CEP63: variants seen among roughly 807,000 people sequenced by gnomAD.
CEP63 encodes centrosomal protein 63, also known as centrosomal protein of 63 kDa.
In CEP63, 84 loss-of-function variants were observed where a neutral mutation model predicts 89.1. The ratio of observed to expected loss-of-function variants is 0.94; its 90% CI spans 0.79 to 1.13. The LOEUF (loss-of-function observed/expected upper bound fraction) is 1.13, where lower values mean the gene tolerates loss of function less well. Among genes scored for constraint, CEP63 ranks in the 50% most tolerant of loss-of-function variants. The pLI, the probability that CEP63 is intolerant of heterozygous loss-of-function variation, is 0.00. For missense variants in CEP63, 838 were observed against 813.3 expected, an observed-to-expected ratio of 1.03 and a Z score of -0.37; for synonymous variants, 267 against 272.5, an observed-to-expected ratio of 0.98 and a Z score of 0.20.
chr3:134,598,433 G>A, the CEP63 span, among the ~76,000 whole-genome samples: 1 of 152,178 alleles, frequency 6.6e-6, no homozygotes, highest in Admixed American at 6.5e-5. Flanking sequence ...TTCCAGAGAT[G>A]GTGAGATTGT....
intron 2 of CEP63, among the ~76,000 whole-genome samples, chr3:134,504,291 T>G (rs1469567866): frequency 3.3e-5 from 5 of 152,178 alleles, no homozygotes; most frequent in Non-Finnish European, 7.4e-5. Context: ...TGATGAATTA[T>G]CTCAGTTTTT....
intron 3 of CEP63, among the ~76,000 whole-genome samples, chr3:134,529,892 T>TTA (rs1949509649): frequency 4.0e-5 from 6 of 148,770 alleles, no homozygotes; most frequent in Admixed American, 1.3e-4. Flanking sequence ...TTTTTTTTTT[T>TTA]AGACGGGGTC....
intron 3 of CEP63, among the ~76,000 whole-genome samples, chr3:134,513,528 C>A (rs1245522821): frequency 1.3e-5 from 2 of 152,034 alleles, no homozygotes; most frequent in African/African-American, 4.8e-5. Flanking sequence ...TGAACAATTA[C>A]CAGGCTGGGA....
chr3:134,526,615 T>C (rs1344808832), intron 3 of CEP63, among the ~76,000 whole-genome samples: 1 of 152,194 alleles, frequency 6.6e-6, no homozygotes, highest in Admixed American at 6.5e-5. Flanking sequence ...TCAGCCATCT[T>C]AGCCCAGTTC....
At chr3:134,645,904 G>A in the CEP63 span, among the ~76,000 whole-genome samples, 3 of 152,114 alleles carry the variant, frequency 2.0e-5, no homozygotes, top group African/African-American at 7.2e-5. Flanking sequence ...TCAGAAACCC[G>A]GAAGATGGTA....
the CEP63 span, among the ~76,000 whole-genome samples, chr3:134,665,553 G>A: frequency 2.6e-5 from 4 of 152,160 alleles, no homozygotes; most frequent in Admixed American, 6.5e-5. Context: ...GATGAAAAGG[G>A]GCCTCTGGCC....
chr3:134,759,975 A>G, the CEP63 span, among the ~76,000 whole-genome samples: 1 of 152,068 alleles, frequency 6.6e-6, no homozygotes, highest in African/African-American at 2.4e-5. Flanking sequence ...ACCCGTGTTT[A>G]GATTAGTCTG....
downstream of CEP63, among the ~76,000 whole-genome samples, chr3:134,566,895 A>G (rs925652445): frequency 3.9e-5 from 6 of 152,232 alleles, no homozygotes; most frequent in African/African-American, 1.2e-4. Context: ...TTACCATATT[A>G]CCCAGCAATA....
At chr3:134,580,316 A>AT (rs1162757273) in intron 10 of CEP63, among the ~76,000 whole-genome samples, 1 of 152,192 alleles carries the variant, frequency 6.6e-6, no homozygotes, top group African/African-American at 2.4e-5. Context: ...GTGGGTGGGT[A>AT]TGTGGAAGCT....
At chr3:134,643,421 A>G in the CEP63 span, 1 of 1,566,388 alleles carries the variant, frequency 6.4e-7, no homozygotes, top group Non-Finnish European at 8.8e-7. Context: ...CCACTGGGGA[A>G]TTTTCCCCAG....
the CEP63 span, among the ~76,000 whole-genome samples, chr3:134,750,903 TTATGGATTCACAATGGATTTCC>T: frequency 6.6e-6 from 1 of 152,252 alleles, no homozygotes; most frequent in Non-Finnish European, 1.5e-5. Flanking sequence ...TCAGTGGCAT[TTATGGATTCACAATGGATTTCC>T]TATGGATTCA....
At chr3:134,702,966 G>A in the CEP63 span, among the ~76,000 whole-genome samples, 204 of 152,094 alleles carry the variant, frequency 1.3e-3, no homozygotes, top group African/African-American at 4.5e-3. Context: ...CTCATTAATG[G>A]GTATATACCC....
chr3:134,500,010 G>A (rs916912006), intron 2 of CEP63, among the ~76,000 whole-genome samples: 3 of 151,832 alleles, frequency 2.0e-5, no homozygotes, highest in Non-Finnish European at 4.4e-5. Context: ...ATTTTTGGTA[G>A]AGATGGGATT....
the CEP63 span, among the ~76,000 whole-genome samples, chr3:134,776,949 G>T: frequency 7.9e-5 from 12 of 152,214 alleles, no homozygotes; most frequent in Non-Finnish European, 1.5e-4. Flanking sequence ...GGGGATCCAG[G>T]ACTGCCTCAT....
At chr3:134,516,660 A>G (rs939057663) in intron 3 of CEP63, among the ~76,000 whole-genome samples, 4 of 152,150 alleles carry the variant, frequency 2.6e-5, no homozygotes, top group Admixed American at 1.3e-4. Flanking sequence ...GGAGCATGCT[A>G]CCTTCAAGCA....
intron 10 of CEP63, among the ~76,000 whole-genome samples, 157 bp downstream of exon 10, chr3:134,549,333 G>A (rs896714179): frequency 3.9e-5 from 6 of 152,148 alleles, no homozygotes; most frequent in African/African-American, 9.7e-5. Flanking sequence ...TGTGCATAGG[G>A]AAAGTGCCTT....
the CEP63 span, among the ~76,000 whole-genome samples, chr3:134,609,882 A>G: frequency 1.3e-5 from 2 of 152,244 alleles, no homozygotes; most frequent in Non-Finnish European, 2.9e-5. Context: ...CAACAACTAA[A>G]GAAGGCTATT....
downstream of CEP63, among the ~76,000 whole-genome samples, chr3:134,569,174 C>G (rs1957916623): frequency 6.6e-6 from 1 of 152,214 alleles, no homozygotes; most frequent in Non-Finnish European, 1.5e-5. Flanking sequence ...CCAGCCAAAC[C>G]ACATCATTCC....
chr3:134,768,530 T>C, the CEP63 span, among the ~76,000 whole-genome samples: 492 of 152,314 alleles, frequency 3.2e-3, 1 homozygote, highest in African/African-American at 0.011. Context: ...TCAGTCAGCA[T>C]TGGCATACCT....
Sources: gnomAD v4.1 joint callset for allele counts (sites outside exome capture counted in the v4.1 genomes callset) on GRCh38, gnomAD v4.1.1 for gene constraint, MANE v1.5 for transcripts, NCBI Gene and HGNC (gene_info 2026-07-23, HGNC 2026-07-21) for gene names.